DPYD: variants seen among roughly 807,000 people sequenced by gnomAD.
DPYD encodes dihydropyrimidine dehydrogenase [NADP(+)].
DPYD carries 109 observed loss-of-function variants against 116.2 expected under a neutral mutation model. That is an observed-to-expected ratio of 0.94 (90% confidence interval 0.80 to 1.10). The LOEUF is 1.10. Among genes scored for constraint, DPYD ranks in the 50% least tolerant of loss-of-function variants. The probability of loss-of-function intolerance (pLI) is 0.00; values close to 1 mark genes in which losing one functional copy is unlikely to be tolerated. For synonymous variants in DPYD, 440 were observed against 432.0 expected, an observed-to-expected ratio of 1.02 and a Z score of -0.23; for missense variants, 1,302 against 1,254.5, an observed-to-expected ratio of 1.04 and a Z score of -0.57.
intron 8 of DPYD, among the ~76,000 whole-genome samples, chr1:97,624,320 T>C (rs766816955): frequency 1.3e-5 from 2 of 152,036 alleles, no homozygotes; most frequent in Non-Finnish European, 2.9e-5. Flanking sequence ...GGGATCTAAA[T>C]AGACATTTCT....
At chr1:97,650,342 T>G (rs551811936) in intron 8 of DPYD, among the ~76,000 whole-genome samples, 1 of 152,260 alleles carries the variant, frequency 6.6e-6, no homozygotes, top group African/African-American at 2.4e-5. Flanking sequence ...CTAAGAACAA[T>G]GTTTCCTCTT....
chr1:97,304,162 A>C (rs1570469908), intron 18 of DPYD, among the ~76,000 whole-genome samples: 1 of 151,946 alleles, frequency 6.6e-6, no homozygotes, highest in Non-Finnish European at 1.5e-5. Flanking sequence ...GGCAGGCTGG[A>C]AAAATTGAAA....
rs12091152 is a variant in DPYD, at chr1:97,878,149, T to C, written c.150+5115A>G. Among the ~76,000 whole-genome samples, 1,058 of 152,000 alleles carry C rather than the reference T, an allele frequency of 7.0e-3. 10 individuals are homozygous for C. Among genetic ancestry groups the C allele is most frequent in the African/African-American group, 0.024 (989 of 41,502 alleles). ...CTCTGCCTGCCTTTTCCATGCTACG[T>C]TCAGTACCATGCTGAGCCACATTGG... On this transcript the variant is annotated intron_variant, in intron 2 of 22. Transcript: ENST00000370192.
chr1:97,310,042 A>G (rs1281580483), intron 16 of DPYD, among the ~76,000 whole-genome samples: 1 of 151,762 alleles, frequency 6.6e-6, no homozygotes. Context: ...ATTTCCTGAT[A>G]AGCTAAATTA....
chr1:97,906,640 T>A (rs1460109665), intron 1 of DPYD, among the ~76,000 whole-genome samples: 1 of 152,102 alleles, frequency 6.6e-6, no homozygotes, highest in Non-Finnish European at 1.5e-5. Flanking sequence ...ACTCCCCCAG[T>A]GGATGTCTGA....
chr1:97,515,881 C>G lies in DPYD; in HGVS notation c.1585G>C (p.Asp529His), dbSNP rs1242653737. 6.2e-7 allele frequency: 1 copy of G among 1,612,810 alleles called. No homozygotes were observed. The highest frequency in any genetic ancestry group is 1.1e-5 in the South Asian group (1 of 91,052). ...ATTTCTACACTAATGTCCACCAGAT[C>G]AATAGGAGTGTAAAAGAGGGGTAGT... ...PELPLFYTPI[D>H]LVDISVEMAG... is the part of the protein sequence containing the mutation. Residue 529 changes from aspartate to histidine, a missense_variant, in exon 13 of 23, where the codon GAT becomes CAT. By Grantham distance (81) the Asp-to-His change is moderately conservative. Coordinates refer to ENST00000370192, the MANE Select transcript of DPYD (RefSeq NM_000110.4).
chr1:97,099,226 C>A (rs778525165), intron 20 of DPYD, among the ~76,000 whole-genome samples: 2 of 152,064 alleles, frequency 1.3e-5, no homozygotes, highest in Admixed American at 1.3e-4. Context: ...ATATTGATTT[C>A]TCTGTACAGA....
At chr1:97,482,642 C>G (rs1213910819) in intron 13 of DPYD, among the ~76,000 whole-genome samples, 1 of 152,102 alleles carries the variant, frequency 6.6e-6, no homozygotes, top group African/African-American at 2.4e-5. Flanking sequence ...GAATCAAAGA[C>G]AGCAAATTTA....
At chr1:97,829,595 C>T (rs1669422710) in intron 2 of DPYD, among the ~76,000 whole-genome samples, 2 of 151,990 alleles carry the variant, frequency 1.3e-5, no homozygotes, top group South Asian at 4.2e-4. Context: ...TTTTTGTGTG[C>T]TGTTTAAGAA....
chr1:97,148,650 T>C (rs1241111550), intron 20 of DPYD, among the ~76,000 whole-genome samples: 2 of 152,156 alleles, frequency 1.3e-5, no homozygotes, highest in African/African-American at 4.8e-5. Context: ...TATTGGGAGA[T>C]ACCTACTATG....
intron 13 of DPYD, among the ~76,000 whole-genome samples, chr1:97,480,368 G>A (rs1678230542): frequency 6.6e-6 from 1 of 152,036 alleles, no homozygotes; most frequent in Non-Finnish European, 1.5e-5. Context: ...CAGAATCTTT[G>A]GAATTATGTG....
intron 10 of DPYD, among the ~76,000 whole-genome samples, chr1:97,583,650 CTTTTT>C: frequency 7.5e-6 from 1 of 132,532 alleles, no homozygotes. Context: ...CTCGTATTTC[CTTTTT>C]TTTTTTTTTT....
intron 2 of DPYD, among the ~76,000 whole-genome samples, chr1:97,835,944 G>C (rs927524178): frequency 5.9e-5 from 9 of 152,050 alleles, no homozygotes; most frequent in Non-Finnish European, 1.0e-4. Flanking sequence ...TGAACAATCT[G>C]ACCCATCTCC....
At chr1:97,768,885 T>C (rs1413642323) in intron 3 of DPYD, among the ~76,000 whole-genome samples, 1 of 151,960 alleles carries the variant, frequency 6.6e-6, no homozygotes, top group African/African-American at 2.4e-5. Flanking sequence ...ATTTGTCATA[T>C]TTTGGCAATA....
intron 3 of DPYD, among the ~76,000 whole-genome samples, chr1:97,813,156 A>G (rs925908461): frequency 6.6e-6 from 1 of 152,156 alleles, no homozygotes; most frequent in African/African-American, 2.4e-5. Context: ...ATATGCAATC[A>G]TCTACCTTTA....
chr1:97,601,030 A>T (rs1175248148), intron 8 of DPYD, among the ~76,000 whole-genome samples: 1 of 152,118 alleles, frequency 6.6e-6, no homozygotes, highest in Non-Finnish European at 1.5e-5. Flanking sequence ...CTCCTGCTCA[A>T]AGTGTCATTC....
chr1:97,556,651 C>G, intron 11 of DPYD, among the ~76,000 whole-genome samples: 2 of 150,582 alleles, frequency 1.3e-5, no homozygotes, highest in East Asian at 3.9e-4. Context: ...TGATGATTTC[C>G]AATTTCATCC....
At chr1:97,133,186 C>A (rs992290441) in intron 20 of DPYD, among the ~76,000 whole-genome samples, 11 of 151,954 alleles carry the variant, frequency 7.2e-5, no homozygotes, top group Non-Finnish European at 1.3e-4. Flanking sequence ...TTCTGCCACA[C>A]TTATTATATT....
At chr1:97,872,974 C>T (rs1160602253) in intron 2 of DPYD, among the ~76,000 whole-genome samples, 1 of 151,568 alleles carries the variant, frequency 6.6e-6, no homozygotes, top group Non-Finnish European at 1.5e-5. Context: ...TTTTTCCTTC[C>T]TTCCTTCCCT....
Sources: gnomAD v4.1 joint callset for allele counts (sites outside exome capture counted in the v4.1 genomes callset) on GRCh38, gnomAD v4.1.1 for gene constraint, MANE v1.5 for transcripts, NCBI Gene and HGNC (gene_info 2026-07-23, HGNC 2026-07-21) for gene names.